CCDC102B: variants seen among roughly 807,000 people sequenced by gnomAD.
CCDC102B encodes coiled-coil domain containing 102B, also known as coiled-coil domain-containing protein 102B.
CCDC102B carries 75 observed loss-of-function variants against 57.4 expected under a neutral mutation model. The ratio of observed to expected loss-of-function variants is 1.31; its 90% CI spans 1.08 to 1.58. The LOEUF is 1.58. Ranked by LOEUF, CCDC102B falls within the 40% of genes most tolerant of loss-of-function variation. CCDC102B has a pLI of 0.00. For synonymous variants in CCDC102B, 206 were observed against 201.9 expected (o/e 1.02, Z -0.17); for missense variants, 636 against 582.6 (o/e 1.09, Z -0.94).
At chr18:68,990,830 C>A (rs576117529) in intron 6 of CCDC102B, among the ~76,000 whole-genome samples, 127 of 152,190 alleles carry the variant, frequency 8.3e-4, no homozygotes, top group Admixed American at 1.4e-3. Flanking sequence ...AGTTATGAAA[C>A]AGGGAAAATT....
chr18:68,976,411 T>C (rs1355811972), intron 6 of CCDC102B, among the ~76,000 whole-genome samples: 2 of 152,010 alleles, frequency 1.3e-5, no homozygotes, highest in Non-Finnish European at 2.9e-5. Context: ...TAAAAACCAG[T>C]AAATTTTATT....
intron 4 of CCDC102B, among the ~76,000 whole-genome samples, chr18:68,853,672 TAAAA>T (rs71175201): frequency 0.061 from 5,766 of 94,088 alleles, 226 homozygotes; most frequent in Middle Eastern, 0.076. Context: ...CCCCAAATTG[TAAAA>T]AAAAAAAAAA....
intron 6 of CCDC102B, among the ~76,000 whole-genome samples, chr18:68,997,824 A>G (rs2051072023): frequency 8.2e-6 from 1 of 121,462 alleles, no homozygotes; most frequent in South Asian, 3.4e-4. Context: ...TAATTTAATT[A>G]TAATTTATCA....
chr18:68,868,523 A>T (rs879847210), intron 4 of CCDC102B, among the ~76,000 whole-genome samples: 1 of 152,178 alleles, frequency 6.6e-6, no homozygotes, highest in Non-Finnish European at 1.5e-5. Flanking sequence ...AATACATATT[A>T]TTTGGAATCT....
intron 7 of CCDC102B, among the ~76,000 whole-genome samples, chr18:69,023,531 T>C (rs1283339807): frequency 6.6e-6 from 1 of 151,626 alleles, no homozygotes; most frequent in East Asian, 1.9e-4. Context: ...ATATAAATGC[T>C]GAGTGCTACT....
chr18:68,919,713 C>A (rs939934122), intron 6 of CCDC102B, among the ~76,000 whole-genome samples: 3 of 152,080 alleles, frequency 2.0e-5, no homozygotes, highest in Non-Finnish European at 2.9e-5. Flanking sequence ...TTTATTACTA[C>A]TTCTGGATGT....
At chr18:68,940,735 T>C (rs2049356331) in intron 6 of CCDC102B, among the ~76,000 whole-genome samples, 2 of 151,938 alleles carry the variant, frequency 1.3e-5, no homozygotes, top group South Asian at 4.1e-4. Context: ...TATATATAAT[T>C]CATATAGCTA....
At chr18:68,946,140 C>T (rs1182897002) in intron 6 of CCDC102B, among the ~76,000 whole-genome samples, 1 of 151,934 alleles carries the variant, frequency 6.6e-6, no homozygotes, top group African/African-American at 2.4e-5. Flanking sequence ...GAAATTCACT[C>T]ATAGTTCTAT....
At chr18:68,747,412 A>G (rs2033662578) in intron 2 of CCDC102B, among the ~76,000 whole-genome samples, 1 of 152,112 alleles carries the variant, frequency 6.6e-6, no homozygotes, top group South Asian at 2.1e-4. Context: ...TTAATTTTAA[A>G]GTGCATAATA....
At chr18:68,757,513 A>T (rs1169764368) in intron 2 of CCDC102B, among the ~76,000 whole-genome samples, 1 of 152,214 alleles carries the variant, frequency 6.6e-6, no homozygotes, top group African/African-American at 2.4e-5. Context: ...TCTTAAAAAA[A>T]CAGGTAATGC....
chr18:68,911,615 G>T (rs1025869117), intron 6 of CCDC102B, among the ~76,000 whole-genome samples: 5 of 149,596 alleles, frequency 3.3e-5, no homozygotes, highest in African/African-American at 1.2e-4. Flanking sequence ...AGCCGGGCGT[G>T]GTGGCGGGCG....
chr18:68,809,144 G>A (rs557996302), intron 1 of CCDC102B, among the ~76,000 whole-genome samples: 95 of 152,238 alleles, frequency 6.2e-4, no homozygotes, highest in Non-Finnish European at 1.2e-3. Context: ...TCCAGCCTGC[G>A]GTAATTTGGA....
chr18:68,868,699 A>T (rs2039109694), intron 4 of CCDC102B, among the ~76,000 whole-genome samples: 1 of 152,216 alleles, frequency 6.6e-6, no homozygotes, highest in Non-Finnish European at 1.5e-5. Context: ...TTCAATACTT[A>T]TCCCAAGAAC....
At chr18:68,889,628 T>A (rs1599640544) in intron 5 of CCDC102B, among the ~76,000 whole-genome samples, 1 of 152,030 alleles carries the variant, frequency 6.6e-6, no homozygotes, top group African/African-American at 2.4e-5. Context: ...TCAGTAGAGA[T>A]CAGTTTCTCC....
intron 2 of CCDC102B, among the ~76,000 whole-genome samples, chr18:68,775,305 AG>A (rs1224750720): frequency 6.6e-6 from 1 of 152,108 alleles, no homozygotes; most frequent in African/African-American, 2.4e-5. Context: ...TGAAAAGTAA[AG>A]GTATATTTAA....
At chr18:68,940,517 T>C (rs1449934709) in intron 6 of CCDC102B, among the ~76,000 whole-genome samples, 1 of 151,854 alleles carries the variant, frequency 6.6e-6, no homozygotes, top group Non-Finnish European at 1.5e-5. Flanking sequence ...AAACGCTTAC[T>C]CTACATATAA....
At chr18:68,772,910 G>T (rs1357497529) in intron 2 of CCDC102B, among the ~76,000 whole-genome samples, 1 of 152,034 alleles carries the variant, frequency 6.6e-6, no homozygotes, top group Non-Finnish European at 1.5e-5. Context: ...AAAACTATGA[G>T]AAGAGAGAGA....
chr18:68,931,500 G>A (rs940224183), intron 6 of CCDC102B, among the ~76,000 whole-genome samples: 3 of 151,604 alleles, frequency 2.0e-5, no homozygotes, highest in Non-Finnish European at 2.9e-5. Flanking sequence ...CGGTTGGGGG[G>A]TGTGAGAGGT....
At chr18:68,990,595 C>A (rs542492251) in intron 6 of CCDC102B, among the ~76,000 whole-genome samples, 1 of 152,240 alleles carries the variant, frequency 6.6e-6, no homozygotes, top group South Asian at 2.1e-4. Flanking sequence ...TATATACATA[C>A]AATTGTGCAT....
Sources: gnomAD v4.1 joint callset for allele counts (sites outside exome capture counted in the v4.1 genomes callset) on GRCh38, gnomAD v4.1.1 for gene constraint, MANE v1.5 for transcripts, NCBI Gene and HGNC (gene_info 2026-07-23, HGNC 2026-07-21) for gene names.